FGFBP3: variants seen among roughly 807,000 people sequenced by gnomAD.
The protein encoded by FGFBP3 is fibroblast growth factor-binding protein 3.
FGFBP3 carries 4 observed loss-of-function variants against 4.8 expected under a neutral mutation model. The ratio of observed to expected loss-of-function variants is 0.83; its 90% confidence interval spans 0.41 to 1.90. The LOEUF is 1.90. FGFBP3 is among the 40% of genes most tolerant of loss of function. The pLI is 0.03. For synonymous variants in FGFBP3, 215 were observed against 190.0 expected (o/e 1.13, Z -1.08); for missense variants, 429 against 397.4 (o/e 1.08, Z -0.68).
chr10:91,908,121 C>A lies in FGFBP3; in HGVS notation c.*72G>T. On this transcript the variant is annotated 3_prime_UTR_variant, in exon 2 of 2. Coordinates refer to ENST00000311575, the MANE Select transcript of FGFBP3 (RefSeq NM_152429.5). ...CCCCAATCTCTATCACAGTACCCCC[C>A]GGTCTAAGACGCCCTTAGCTTTCCC... The A allele has an allele frequency of 6.6e-7, 1 of 1,525,818 alleles. No individual in the cohort carries two copies. Among genetic ancestry groups the A allele is most frequent in the Non-Finnish European group, 8.8e-7 (1 of 1,141,202 alleles). The allele number at this position is 1,525,818 out of a possible 1,614,324, so 94.5% of individuals were successfully genotyped here.
Position 91,908,808 on chromosome 10 carries a change from G to T in FGFBP3, c.162C>A (p.Pro54=). The T allele has an allele frequency of 6.7e-7, 1 of 1,502,400 alleles. No homozygotes were observed. The highest frequency in any genetic ancestry group is 8.8e-7 in the Non-Finnish European group (1 of 1,133,584). 93.1% of individuals were successfully genotyped at this position (1,502,400 alleles called of 1,614,324 possible). Reference sequence around the variant, plus strand: ...GCTGCCAGCTGCACGCGTGCTGCTCGGGGCTGAGGAAGCGACCCGAGGAGC... The same window carrying T: ...GCTGCCAGCTGCACGCGTGCTGCTCTGGGCTGAGGAAGCGACCCGAGGAGC... ...TGGSSGRFLS[P]EQHACSWQLL... The change falls in exon 2 of 2, where the codon CCC becomes CCA. Residue 54 remains proline (P), a synonymous_variant. Transcript: ENST00000311575.
At position 91,908,940 on chromosome 10, in the gene FGFBP3, C is replaced by G. The variant is rs774954098; in HGVS notation, c.30G>C (p.Leu10=). The part of the protein sequence containing the change: MTPPKLRAS[L]SPSLLLLLSG... ...TCAGCAGCAGCAGCAGCGACGGCGA[C>G]AGCGACGCTCGCAGCTTCGGAGGAG... The change falls in exon 2 of 2, where the codon CTG becomes CTC. Residue 10 remains leucine (L), a synonymous_variant. Transcript: ENST00000311575. 1.2e-6 allele frequency: 2 copies of G among 1,604,856 alleles called. No homozygotes were observed. The highest frequency in any genetic ancestry group is 2.7e-5 in the African/African-American group (2 of 74,474).
rs1281853229 is a variant in FGFBP3 at position 91,907,134 on chromosome 10, T to A, written c.*1059A>T. On this transcript the variant is annotated 3_prime_UTR_variant, in exon 2 of 2. Coordinates refer to ENST00000311575, the MANE Select transcript of FGFBP3 (RefSeq NM_152429.5). ...TACTGGAGCACTCAACATCTATAAT[T>A]CCTTCTAAATGCAGAAGGTTAATGG... The A allele has an allele frequency of 6.6e-6, 1 of 152,156 alleles. No individual in the cohort carries two copies. The highest frequency in any genetic ancestry group is 6.6e-5 in the Admixed American group (1 of 15,266). The allele number at this position is 152,156 out of a possible 1,614,324, so 9.4% of individuals were successfully genotyped here. A position where few individuals can be genotyped will look rare whatever the true frequency, so the allele number is the denominator to read the frequency against.
At position 91,908,015 on chromosome 10, in the gene FGFBP3, T is replaced by G. The variant is rs1158607667; in HGVS notation, c.*178A>C. ...TTTAACTTCTCTGCTATCCCAGAGATTCTCCATACCCCTTACACTCTCATC... is the reference window on the plus strand; with the variant it reads ...TTTAACTTCTCTGCTATCCCAGAGAGTCTCCATACCCCTTACACTCTCATC... On this transcript the variant is annotated 3_prime_UTR_variant, in exon 2 of 2. Coordinates refer to ENST00000311575, the MANE Select transcript of FGFBP3 (RefSeq NM_152429.5). 4 of 645,284 alleles carry G rather than the reference T, an allele frequency of 6.2e-6. No individual in the cohort carries two copies. The highest frequency in any genetic ancestry group is 3.4e-5 in the East Asian group (1 of 29,102). The allele number at this position is 645,284 out of a possible 1,614,324, so 40.0% of individuals were successfully genotyped here.
In FGFBP3 at chr10:91,908,885, C is replaced by T; in HGVS notation, c.85G>A (p.Glu29Lys). The T allele has an allele frequency of 3.1e-6, 5 of 1,591,260 alleles. 1 individual carries two copies. In the Admixed American group the frequency reaches 5.2e-5, roughly 16 times the overall value. ...GCCACGTTGCTAGCCGCCCCTTTCTCCCTCCGAGCAGCCGCGAGGAGGCAA... is the reference window on the plus strand; with the variant it reads ...GCCACGTTGCTAGCCGCCCCTTTCTTCCTCCGAGCAGCCGCGAGGAGGCAA... ...SGCLLAAARR[E>K]KGAASNVAEP... is the part of the protein sequence containing the mutation. The change falls in exon 2 of 2, where the codon GAG (glutamate) becomes AAG (lysine). Residue 29 changes from glutamate (E) to lysine (K), a missense_variant. Physicochemically the swap from Glu to Lys is moderately conservative, Grantham distance 56. Transcript: ENST00000311575.
Position 91,908,139 on chromosome 10 carries a change from G to A in FGFBP3, c.*54C>T. On this transcript the variant is annotated 3_prime_UTR_variant, in exon 2 of 2. Transcript: ENST00000311575. ...TACCCCCCGGTCTAAGACGCCCTTA[G>A]CTTTCCCTTCCCCACGCCTCCCCCA... 6.4e-7 allele frequency: 1 copy of A among 1,561,618 alleles called. No homozygotes were observed. Among genetic ancestry groups the A allele is most frequent in the Non-Finnish European group, 8.6e-7 (1 of 1,160,220 alleles).
chr10:91,908,481 C>A lies in FGFBP3; in HGVS notation c.489G>T (p.Ala163=). Residue 163 remains alanine (A), a synonymous_variant, in exon 2 of 2, where the codon GCG becomes GCT. Coordinates refer to ENST00000311575, the MANE Select transcript of FGFBP3 (RefSeq NM_152429.5). ...TCCGGGCCCGGGGCTTGGACTCCCCCGCGAATCCCGCGACGGTGGGGCGTG... is the reference window on the plus strand; with the variant it reads ...TCCGGGCCCGGGGCTTGGACTCCCCAGCGAATCCCGCGACGGTGGGGCGTG... ...PPARPTVAGF[A]GESKPRARNR... 7.2e-7 allele frequency: 1 copy of A among 1,397,466 alleles called. No homozygotes were observed. Among genetic ancestry groups the A allele is most frequent in the Non-Finnish European group, 9.3e-7 (1 of 1,081,058 alleles). 86.6% of individuals were successfully genotyped at this position (1,397,466 alleles called of 1,614,324 possible).
Position 91,908,352 on chromosome 10 carries a change from C to G in FGFBP3, c.618G>C (p.Glu206Asp). 16 of 1,594,970 alleles carry G rather than the reference C, an allele frequency of 1.0e-5. No individual in the cohort carries two copies. Among genetic ancestry groups the G allele is most frequent in the Non-Finnish European group, 1.4e-5 (16 of 1,171,828 alleles). ...KENPSERKTN[E>D]GKRKAALVPN... ...GGACCAAGGCCGCCTTCCTCTTGCCCTCGTTGGTCTTCCTCTCTGAGGGGT... is the reference window on the plus strand; with the variant it reads ...GGACCAAGGCCGCCTTCCTCTTGCCGTCGTTGGTCTTCCTCTCTGAGGGGT... The change falls in exon 2 of 2, where the codon GAG becomes GAC. Residue 206 changes from glutamate to aspartate, a missense_variant. By Grantham distance (45) the Glu-to-Asp change is conservative. Transcript: ENST00000311575.
chr10:91,909,153 C>A (rs552130461), intron 1 of FGFBP3, 106 bp from the exon 2 acceptor site: 4 of 627,274 alleles, frequency 6.4e-6, no homozygotes, highest in Middle Eastern at 4.3e-4. Context: ...GAATCTGCAG[C>A]CTGCGAGGAG....
At chr10:91,909,140 C>A in intron 1 of FGFBP3, 93 bp from the exon 2 acceptor site, 1 of 681,974 alleles carries the variant, frequency 1.5e-6, no homozygotes, top group South Asian at 2.3e-5. Context: ...CGCAGACTTT[C>A]TAGAATCTGC....
chr10:91,909,251 G>T, intron 1 of FGFBP3, 147 bp downstream of exon 1: 1 of 459,058 alleles, frequency 2.2e-6, no homozygotes, highest in South Asian at 3.7e-5. Context: ...TCTTCCCCTT[G>T]CAAATACGAT....
At position 91,908,189 on chromosome 10, in the gene FGFBP3, A is replaced by G. The variant is rs983458565; in HGVS notation, c.*4T>C. On this transcript the variant is annotated 3_prime_UTR_variant, in exon 2 of 2. Coordinates refer to ENST00000311575, the MANE Select transcript of FGFBP3 (RefSeq NM_152429.5). ...ATCAACCCTCCCTAAGCCGGCAGGC[A>G]GTCTCAGCCGTTCCAGAAATTGACA... 4 of 1,592,124 alleles carry G rather than the reference A, an allele frequency of 2.5e-6. No homozygotes were observed. The highest frequency in any genetic ancestry group is 3.4e-6 in the Non-Finnish European group (4 of 1,170,328).
In FGFBP3 at chr10:91,908,163, C is replaced by G; in HGVS notation, c.*30G>C. 1 of 1,591,172 alleles carries G rather than the reference C, an allele frequency of 6.3e-7. No individual in the cohort carries two copies. Among genetic ancestry groups the G allele is most frequent in the Non-Finnish European group, 8.5e-7 (1 of 1,170,778 alleles). On this transcript the variant is annotated 3_prime_UTR_variant, in exon 2 of 2. Transcript: ENST00000311575. ...AGCTTTCCCTTCCCCACGCCTCCCCCATCAACCCTCCCTAAGCCGGCAGGC... is the reference window on the plus strand; with the variant it reads ...AGCTTTCCCTTCCCCACGCCTCCCCGATCAACCCTCCCTAAGCCGGCAGGC...
At position 91,906,966 on chromosome 10, in the gene FGFBP3, T is replaced by A. The variant is rs1843303539; in HGVS notation, c.*1227A>T. ...CATACACACACAGTCTCTCATTACA[T>A]CACACTAAAAATGAAATATATTAAT... is the stretch of plus-strand genomic sequence containing the variant. On this transcript the variant is annotated 3_prime_UTR_variant, in exon 2 of 2. Coordinates refer to ENST00000311575, the MANE Select transcript of FGFBP3 (RefSeq NM_152429.5). The A allele has an allele frequency of 6.6e-6, 1 of 152,090 alleles. No homozygotes were observed. The allele number at this position is 152,090 out of a possible 1,614,324, so 9.4% of individuals were successfully genotyped here.
rs757710382 is a variant in FGFBP3 at position 91,908,685 on chromosome 10, A to G, written c.285T>C (p.His95=). The change falls in exon 2 of 2, where the codon CAT becomes CAC. Residue 95 remains histidine, a synonymous_variant. Coordinates refer to ENST00000311575, the MANE Select transcript of FGFBP3 (RefSeq NM_152429.5). ...GARHQCAYRG[H]PERCAAYAAR... ...CGGCGTAGGCTGCGCAGCGCTCCGG[A>G]TGCCCGCGGTAGGCGCACTGGTGGC... is the stretch of plus-strand genomic sequence containing the variant. The G allele has an allele frequency of 4.9e-6, 7 of 1,422,466 alleles. No individual in the cohort carries two copies. Among genetic ancestry groups the G allele is most frequent in the Admixed American group, 2.9e-5 (1 of 35,068 alleles). The allele number at this position is 1,422,466 out of a possible 1,614,324, so 88.1% of individuals were successfully genotyped here. A position where few individuals can be genotyped will look rare whatever the true frequency, so the allele number is the denominator to read the frequency against.
rs1004373586 is a variant in FGFBP3 at position 91,908,868 on chromosome 10, G to C, written c.102C>G (p.Ser34Arg). Reference protein sequence around the residue: ...AAARREKGAASNVAEPVPGPT... With the variant: ...AAARREKGAARNVAEPVPGPT... Reference sequence around the variant, plus strand: ...GCCCGGGGACCGGCTCCGCCACGTTGCTAGCCGCCCCTTTCTCCCTCCGAG... The same window carrying C: ...GCCCGGGGACCGGCTCCGCCACGTTCCTAGCCGCCCCTTTCTCCCTCCGAG... The change falls in exon 2 of 2, where the codon AGC (serine) becomes AGG (arginine). Residue 34 changes from serine (S) to arginine (R), a missense_variant. Ser to Arg is a moderately radical substitution (Grantham distance 110). Transcript: ENST00000311575. 6 of 1,573,626 alleles carry C rather than the reference G, an allele frequency of 3.8e-6. No individual in the cohort carries two copies. The African/African-American group carries it at 6.8e-5, about 18-fold the overall frequency.
rs1843323235 is a variant in FGFBP3, at chr10:91,908,766, C to T, written c.204G>A (p.Pro68=). ...ACSWQLLLPA[P]EAAAGSELAL... ...CCAGCTCGCTGCCCGCTGCGGCCTC[C>T]GGGGCGGGCAGCAGGAGCTGCCAGC... The change falls in exon 2 of 2, where the codon CCG becomes CCA. Residue 68 remains proline (P), a synonymous_variant. Coordinates refer to ENST00000311575, the MANE Select transcript of FGFBP3 (RefSeq NM_152429.5). The T allele has an allele frequency of 4.3e-6, 6 of 1,398,050 alleles. No homozygotes were observed. Among genetic ancestry groups the T allele is most frequent in the Non-Finnish European group, 5.5e-6 (6 of 1,087,806 alleles). The allele number at this position is 1,398,050 out of a possible 1,614,324, so 86.6% of individuals were successfully genotyped here.
At position 91,908,946 on chromosome 10, in the gene FGFBP3, C is replaced by A; in HGVS notation, c.24G>T (p.Ala8=). ...GCAGCAGCAGCGACGGCGACAGCGA[C>A]GCTCGCAGCTTCGGAGGAGTCATGC... MTPPKLR[A]SLSPSLLLLL... Residue 8 remains alanine, a synonymous_variant, in exon 2 of 2, where the codon GCG becomes GCT. Coordinates refer to ENST00000311575, the MANE Select transcript of FGFBP3 (RefSeq NM_152429.5). 1.9e-6 allele frequency: 3 copies of A among 1,601,718 alleles called. No homozygotes were observed. The highest frequency in any genetic ancestry group is 1.7e-4 in the Middle Eastern group (1 of 6,024).
In FGFBP3 at chr10:91,906,649, C is replaced by T. The variant is rs12220410; in HGVS notation, c.*1544G>A. ...ATATATATAGTTGCCCCTCCACATC[C>T]GTGGGCTCTGCATCCACAGATTCAA... On this transcript the variant is annotated 3_prime_UTR_variant, in exon 2 of 2. Coordinates refer to ENST00000311575, the MANE Select transcript of FGFBP3 (RefSeq NM_152429.5). The T allele has an allele frequency of 0.048, 7,238 of 152,174 alleles. 288 individuals carry two copies. The highest frequency in any genetic ancestry group is 0.17 in the East Asian group (877 of 5,172). The allele number at this position is 152,174 out of a possible 1,614,324, so 9.4% of individuals were successfully genotyped here. A position where few individuals can be genotyped will look rare whatever the true frequency, so the allele number is the denominator to read the frequency against.
Sources: allele counts gnomAD v4.1 joint callset, GRCh38; gene constraint gnomAD v4.1.1; transcripts MANE v1.5; gene names NCBI Gene and HGNC (gene_info 2026-07-23, HGNC 2026-07-21).